Variants in NKAIN3 observed in about 807,000 individuals in gnomAD.
The protein encoded by NKAIN3 is sodium/potassium transporting ATPase interacting 3.
A neutral mutation model predicts 30.2 loss-of-function variants in NKAIN3; 25 were observed. The observed-to-expected ratio is 0.83, with a 90% CI of 0.60 to 1.16. The LOEUF is 1.16. Among genes scored for constraint, NKAIN3 ranks in the 50% most tolerant of loss-of-function variants. The pLI is 0.00. For synonymous variants in NKAIN3, 91 were observed against 89.6 expected (o/e 1.02, Z -0.09); for missense variants, 225 against 254.1 (o/e 0.89, Z 0.78).
At chr8:62,780,416 A>G (rs561353841) in intron 4 of NKAIN3, among the ~76,000 whole-genome samples, 43 of 152,208 alleles carry the variant, frequency 2.8e-4, no homozygotes, top group African/African-American at 9.6e-4. Flanking sequence ...AGAGGAGGGA[A>G]TTCTCCCTAA....
intron 1 of NKAIN3, among the ~76,000 whole-genome samples, chr8:62,506,330 G>T (rs947015736): frequency 6.6e-6 from 1 of 151,576 alleles, no homozygotes; most frequent in Non-Finnish European, 1.5e-5. Flanking sequence ...GAAGCAAATT[G>T]CAGGATGTAA....
intron 3 of NKAIN3, among the ~76,000 whole-genome samples, chr8:62,608,204 G>C (rs1472480850): frequency 6.6e-6 from 1 of 152,012 alleles, no homozygotes; most frequent in Non-Finnish European, 1.5e-5. Context: ...CTTGTATTTT[G>C]CTTTAATCAT....
chr8:62,900,078 C>T (rs963125539), intron 4 of NKAIN3, among the ~76,000 whole-genome samples: 1 of 150,736 alleles, frequency 6.6e-6, no homozygotes, highest in Non-Finnish European at 1.5e-5. Flanking sequence ...AAAAAAAGTT[C>T]TGATTTCTAT....
At chr8:62,345,053 TA>T (rs1261226516) in intron 1 of NKAIN3, among the ~76,000 whole-genome samples, 2 of 151,992 alleles carry the variant, frequency 1.3e-5, no homozygotes, top group African/African-American at 4.8e-5. Context: ...TGTTTTATTT[TA>T]TTTTTTGGTA....
intron 1 of NKAIN3, among the ~76,000 whole-genome samples, chr8:62,552,528 G>A (rs1809249434): frequency 6.6e-6 from 1 of 152,166 alleles, no homozygotes; most frequent in Non-Finnish European, 1.5e-5. Flanking sequence ...TTATTAAACT[G>A]TATCCTGAAT....
chr8:62,270,348 C>T (rs569821549), intron 1 of NKAIN3, among the ~76,000 whole-genome samples: 13 of 152,182 alleles, frequency 8.5e-5, no homozygotes, highest in African/African-American at 3.1e-4. Context: ...TCTCAAAGTG[C>T]TGGGATTACA....
intron 4 of NKAIN3, among the ~76,000 whole-genome samples, chr8:62,808,061 G>C (rs1010442383): frequency 1.3e-5 from 2 of 151,840 alleles, no homozygotes; most frequent in Non-Finnish European, 2.9e-5. Flanking sequence ...AGTCTTTATA[G>C]CAATCATCCC....
At chr8:62,609,102 C>G (rs1759711719) in intron 3 of NKAIN3, among the ~76,000 whole-genome samples, 2 of 152,114 alleles carry the variant, frequency 1.3e-5, no homozygotes, top group Admixed American at 6.6e-5. Context: ...TCAGGTCAGG[C>G]TATAATGATT....
At chr8:62,817,117 C>T (rs1586231307) in intron 4 of NKAIN3, among the ~76,000 whole-genome samples, 1 of 152,146 alleles carries the variant, frequency 6.6e-6, no homozygotes, top group African/African-American at 2.4e-5. Flanking sequence ...CACTTATTTG[C>T]TGAATTCCAG....
chr8:62,487,177 G>A (rs1019558034), intron 1 of NKAIN3, among the ~76,000 whole-genome samples: 39 of 152,270 alleles, frequency 2.6e-4, no homozygotes, highest in African/African-American at 7.7e-4. Context: ...CTGGCTCCCC[G>A]TTTACCCAGG....
At chr8:62,854,447 G>A (rs1820002222) in intron 4 of NKAIN3, among the ~76,000 whole-genome samples, 1 of 152,192 alleles carries the variant, frequency 6.6e-6, no homozygotes, top group Non-Finnish European at 1.5e-5. Context: ...TTGCCATTAT[G>A]TAATGCCCTT....
At chr8:62,348,428 A>G (rs1472012032) in intron 1 of NKAIN3, among the ~76,000 whole-genome samples, 1 of 152,224 alleles carries the variant, frequency 6.6e-6, no homozygotes, top group Non-Finnish European at 1.5e-5. Flanking sequence ...GACAGACAAG[A>G]TGATATACTT....
At chr8:62,253,422 T>A (rs1812171294) in intron 1 of NKAIN3, among the ~76,000 whole-genome samples, 1 of 152,102 alleles carries the variant, frequency 6.6e-6, no homozygotes, top group Admixed American at 6.6e-5. Context: ...CAAAAAATTT[T>A]AGCCAGGTGT....
At chr8:62,475,659 A>G (rs947930978) in intron 1 of NKAIN3, among the ~76,000 whole-genome samples, 1 of 152,180 alleles carries the variant, frequency 6.6e-6, no homozygotes, top group Admixed American at 6.5e-5. Context: ...TAGACTACAC[A>G]TATCTGTACT....
chr8:62,400,488 A>G (rs1239451873), intron 1 of NKAIN3, among the ~76,000 whole-genome samples: 1 of 152,066 alleles, frequency 6.6e-6, no homozygotes, highest in Non-Finnish European at 1.5e-5. Context: ...TATATTTTCT[A>G]GAAATCGGAT....
intron 6 of NKAIN3, among the ~76,000 whole-genome samples, chr8:62,961,977 C>A (rs1275486050): frequency 6.6e-6 from 1 of 152,154 alleles, no homozygotes; most frequent in African/African-American, 2.4e-5. Flanking sequence ...TTACTCTAGT[C>A]ATGGGGAGTT....
intron 1 of NKAIN3, among the ~76,000 whole-genome samples, chr8:62,487,497 A>G (rs954266796): frequency 6.6e-6 from 1 of 152,214 alleles, no homozygotes; most frequent in African/African-American, 2.4e-5. Flanking sequence ...TTATTTTTAA[A>G]AGTTAAGACA....
intron 1 of NKAIN3, among the ~76,000 whole-genome samples, chr8:62,488,087 A>G (rs924308228): frequency 5.9e-5 from 9 of 152,350 alleles, no homozygotes; most frequent in Non-Finnish European, 1.2e-4. Context: ...GCATCTTTAA[A>G]CTGAAGTTTT....
intron 5 of NKAIN3, among the ~76,000 whole-genome samples, chr8:62,934,799 G>A (rs1162270376): frequency 2.6e-5 from 4 of 152,112 alleles, no homozygotes; most frequent in East Asian, 3.9e-4. Flanking sequence ...TGACACGACA[G>A]GAGAGAGATC....
Sources: allele counts gnomAD v4.1 joint callset (sites outside exome capture counted in the v4.1 genomes callset), GRCh38; gene constraint gnomAD v4.1.1; transcripts MANE v1.5; gene names NCBI Gene and HGNC (gene_info 2026-07-23, HGNC 2026-07-21).